VPS53: variants seen among roughly 807,000 people sequenced by gnomAD.
VPS53 encodes vacuolar protein sorting-associated protein 53 homolog.
Under a neutral mutation model 107.0 loss-of-function variants are expected in VPS53, and 70 were observed. The ratio of observed to expected loss-of-function variants is 0.65; its 90% confidence interval spans 0.54 to 0.80. The LOEUF (loss-of-function observed/expected upper bound fraction) is 0.80. Ranked by LOEUF, VPS53 falls within the 30% of genes least tolerant of loss-of-function variation. VPS53 has a pLI of 0.00. For synonymous variants in VPS53, 409 were observed against 393.3 expected (o/e 1.04, Z -0.47); for missense variants, 917 against 1,049.4 (o/e 0.87, Z 1.74).
intron 11 of VPS53, among the ~76,000 whole-genome samples, chr17:620,132 G>C (rs934833203): frequency 2.0e-5 from 3 of 152,144 alleles, no homozygotes; most frequent in Non-Finnish European, 4.4e-5. Flanking sequence ...GTGCTAAGTA[G>C]GAAAAGAGTG....
chr17:609,594 T>C (rs750752301), intron 11 of VPS53, among the ~76,000 whole-genome samples: 1 of 152,204 alleles, frequency 6.6e-6, no homozygotes, highest in Non-Finnish European at 1.5e-5. Flanking sequence ...ACATTAACAC[T>C]GTGAGATGCA....
At chr17:656,948 G>T in intron 5 of VPS53, 1 of 1,102,476 alleles carries the variant, frequency 9.1e-7, no homozygotes, top group Non-Finnish European at 1.4e-6. Context: ...GTTGCCACTG[G>T]TGTCTTTCAC....
chr17:664,496 C>T (rs1176052468), intron 4 of VPS53, among the ~76,000 whole-genome samples: 1 of 152,008 alleles, frequency 6.6e-6, no homozygotes, highest in Non-Finnish European at 1.5e-5. Context: ...AATATTGCAG[C>T]GGGAAGTGTC....
chr17:620,104 A>G (rs1351390227), intron 11 of VPS53, among the ~76,000 whole-genome samples: 2 of 152,176 alleles, frequency 1.3e-5, no homozygotes, highest in African/African-American at 2.4e-5. Context: ...CAAGCAGAGA[A>G]GTATACATAT....
rs542923497 is a variant in VPS53 at position 582,095 on chromosome 17, A to T, written c.1313+4175T>A. On this transcript the variant is annotated intron_variant, in intron 13 of 21. Transcript: ENST00000437048. ...TCCCAGAGAACCTGCCTTCAAACCT[A>T]ATGCGTTCCCAGAAAACATCCCTCA... is the stretch of plus-strand genomic sequence containing the variant. Among the ~76,000 whole-genome samples, 3 of 149,430 alleles carry T rather than the reference A, an allele frequency of 2.0e-5. No homozygotes were observed. In the East Asian group the frequency reaches 6.0e-4, roughly 30 times the overall value.
chr17:714,714 C>A lies in VPS53; in HGVS notation c.-5G>T. On this transcript the variant is annotated 5_prime_UTR_variant, in exon 1 of 22. Transcript: ENST00000437048. ...CAGTTCCTCCTCCTCCATCATTCCGCCACCCGGCCCCCTGCCGACCCCCGC... is the reference window on the plus strand; with the variant it reads ...CAGTTCCTCCTCCTCCATCATTCCGACACCCGGCCCCCTGCCGACCCCCGC... 2 of 1,613,240 alleles carry A rather than the reference C, an allele frequency of 1.2e-6. No individual in the cohort carries two copies. Among genetic ancestry groups the A allele is most frequent in the Non-Finnish European group, 1.7e-6 (2 of 1,179,688 alleles).
intron 7 of VPS53, among the ~76,000 whole-genome samples, chr17:648,074 C>T (rs1390836562): frequency 1.3e-5 from 2 of 152,178 alleles, no homozygotes; most frequent in South Asian, 2.1e-4. Context: ...GACCAGGGAG[C>T]CTCCAAGCCT....
At position 655,938 on chromosome 17, in the gene VPS53, G is replaced by C. The variant is rs759207499; in HGVS notation, c.388C>G (p.Arg130Gly). 11 of 1,613,680 alleles carry C rather than the reference G, an allele frequency of 6.8e-6. No homozygotes were observed. Among genetic ancestry groups the C allele is most frequent in the Non-Finnish European group, 9.3e-6 (11 of 1,179,840 alleles). ...KSEQMVKEIT[R>G]DIKQLDHAKR... ...GCGTGATCTAATTGCTTAATATCAC[G>C]GGTGATTTCTTTCACCTAAACATTG... is the stretch of plus-strand genomic sequence containing the variant. Residue 130 changes from arginine (R) to glycine (G), a missense_variant, in exon 6 of 22, where the codon CGT (arginine) becomes GGT (glycine). By Grantham distance (125) the Arg-to-Gly change is moderately radical. Transcript: ENST00000437048.
intron 15 of VPS53, among the ~76,000 whole-genome samples, chr17:553,673 C>T (rs1483896838): frequency 6.7e-6 from 1 of 150,162 alleles, no homozygotes; most frequent in East Asian, 2.0e-4. Context: ...TGGGTTCAAG[C>T]AATTCTCCTG....
chr17:547,330 G>A (rs753573992), intron 17 of VPS53, among the ~76,000 whole-genome samples: 1 of 152,222 alleles, frequency 6.6e-6, no homozygotes, highest in African/African-American at 2.4e-5. Flanking sequence ...ATGATGGAAT[G>A]TTACTCAGCC....
chr17:711,675 T>G lies in VPS53; in HGVS notation c.88-1062A>C, dbSNP rs79902528. On this transcript the variant is annotated intron_variant, in intron 1 of 21. Coordinates refer to ENST00000437048, the MANE Select transcript of VPS53 (RefSeq NM_001128159.3). ...TCTCACGACTCCTAGGTTTTAGTGC[T>G]GTCCTAGGTTTTAAATTGTTTTCAT... Among the ~76,000 whole-genome samples, 339 of 152,288 alleles carry G rather than the reference T, an allele frequency of 2.2e-3. 8 individuals carry two copies. The East Asian group carries it at 0.055, about 25-fold the overall frequency.
chr17:657,594 T>A, intron 5 of VPS53: 1 of 771,032 alleles, frequency 1.3e-6, no homozygotes, highest in Non-Finnish European at 2.2e-6. Context: ...CCGGTGCACA[T>A]AGCGAAAGTT....
intron 11 of VPS53, among the ~76,000 whole-genome samples, chr17:611,719 C>T (rs924851373): frequency 2.0e-5 from 3 of 152,162 alleles, no homozygotes; most frequent in African/African-American, 7.2e-5. Context: ...AAAACCTGTA[C>T]AAATATTCAC....
intron 17 of VPS53, among the ~76,000 whole-genome samples, chr17:541,722 T>C (rs1003084548): frequency 9.7e-5 from 14 of 144,904 alleles, no homozygotes; most frequent in Non-Finnish European, 1.9e-4. Context: ...GGAATGTTTA[T>C]CAAGCACCGA....
At chr17:598,570 G>A (rs189492311) in intron 12 of VPS53, among the ~76,000 whole-genome samples, 7,279 of 149,734 alleles carry the variant, frequency 0.049, 131 homozygotes, top group East Asian at 0.11. Context: ...GTCTCTGCCC[G>A]GCTGCCCATT....
intron 4 of VPS53, among the ~76,000 whole-genome samples, chr17:681,174 T>A (rs1421321399): frequency 6.6e-6 from 1 of 152,230 alleles, no homozygotes; most frequent in Non-Finnish European, 1.5e-5. Context: ...TATTGCTCTG[T>A]TGCCCAGGCT....
chr17:581,451 G>A (rs1263171083), intron 13 of VPS53, among the ~76,000 whole-genome samples: 2 of 150,184 alleles, frequency 1.3e-5, no homozygotes, highest in African/African-American at 4.9e-5. Flanking sequence ...AAAACCTAAT[G>A]CATTCCCTGA....
chr17:599,140 C>G (rs1968186919), intron 12 of VPS53, among the ~76,000 whole-genome samples: 1 of 146,038 alleles, frequency 6.8e-6, no homozygotes, highest in Non-Finnish European at 1.5e-5. Flanking sequence ...GGGGGTCAGC[C>G]CCCCGCCCGG....
rs370525810 is a variant in VPS53, at chr17:537,156, C to G, written c.1887G>C (p.Glu629Asp). The G allele has an allele frequency of 2.5e-6, 4 of 1,614,076 alleles. No homozygotes were observed. Among genetic ancestry groups the G allele is most frequent in the Non-Finnish European group, 3.4e-6 (4 of 1,180,012 alleles). ...AMSKMQWQNV[E>D]HVGDQSPYVT... ...CGTAGGGGCTCTGGTCACCAACGTG[C>G]TCCACGTTCTGCCACTGCATCTGAA... Residue 629 changes from glutamate to aspartate, a missense_variant, in exon 18 of 22, where the codon GAG (glutamate) becomes GAC (aspartate). Glu to Asp is a conservative substitution (Grantham distance 45). Coordinates refer to ENST00000437048, the MANE Select transcript of VPS53 (RefSeq NM_001128159.3).
Sources: gnomAD v4.1 joint callset for allele counts (sites outside exome capture counted in the v4.1 genomes callset) on GRCh38, gnomAD v4.1.1 for gene constraint, MANE v1.5 for transcripts, NCBI Gene and HGNC (gene_info 2026-07-23, HGNC 2026-07-21) for gene names.